Variants in SUGCT observed in about 807,000 individuals in gnomAD.
SUGCT encodes the protein succinyl-CoA:glutarate CoA-transferase.
SUGCT carries 41 observed loss-of-function variants against 55.0 expected under a neutral mutation model. The ratio of observed to expected loss-of-function variants is 0.74; its 90% confidence interval spans 0.58 to 0.97. The LOEUF (loss-of-function observed/expected upper bound fraction) is 0.97. SUGCT is among the 50% of genes least tolerant of loss of function. The pLI, the probability that SUGCT is intolerant of heterozygous loss-of-function variation, is 0.00. For synonymous variants in SUGCT, 187 were observed against 200.4 expected, an observed-to-expected ratio of 0.93 and a Z score of 0.56; for missense variants, 568 against 547.8, an observed-to-expected ratio of 1.04 and a Z score of -0.37.
chr7:40,397,674 A>G (rs80006387), intron 9 of SUGCT, among the ~76,000 whole-genome samples: 2,563 of 152,286 alleles, frequency 0.017, 34 homozygotes, highest in Non-Finnish European at 0.028. Context: ...AATACGTAAT[A>G]CAATATGTTA....
chr7:40,289,346 T>C (rs1793576179), intron 8 of SUGCT, among the ~76,000 whole-genome samples: 1 of 152,190 alleles, frequency 6.6e-6, no homozygotes, highest in East Asian at 1.9e-4. Flanking sequence ...TACCAAACCC[T>C]ATAAATACTG....
At chr7:40,753,446 CACAT>C (rs1357235584) in intron 13 of SUGCT, among the ~76,000 whole-genome samples, 1 of 152,222 alleles carries the variant, frequency 6.6e-6, no homozygotes, top group Non-Finnish European at 1.5e-5. Context: ...TATAGATTTA[CACAT>C]ACATATCCAC....
intron 12 of SUGCT, among the ~76,000 whole-genome samples, chr7:40,552,681 A>T (rs943429696): frequency 6.6e-6 from 1 of 152,040 alleles, no homozygotes; most frequent in African/African-American, 2.4e-5. Context: ...CTTCCATCAC[A>T]CTTTCCCCAT....
the SUGCT span, among the ~76,000 whole-genome samples, chr7:40,970,091 G>A: frequency 1.3e-5 from 2 of 152,144 alleles, no homozygotes; most frequent in African/African-American, 2.4e-5. Context: ...AAAGTCCATC[G>A]CGAGGAGGCT....
At chr7:40,508,571 T>C (rs1303797560) in intron 12 of SUGCT, among the ~76,000 whole-genome samples, 1 of 148,512 alleles carries the variant, frequency 6.7e-6, no homozygotes, top group Non-Finnish European at 1.5e-5. Context: ...TTGGTAGTGA[T>C]GGTGGAGGTT....
the SUGCT span, among the ~76,000 whole-genome samples, chr7:41,032,224 G>A: frequency 6.6e-6 from 1 of 152,084 alleles, no homozygotes; most frequent in African/African-American, 2.4e-5. Context: ...GGTACACACT[G>A]CTGGTTACCT....
At chr7:41,013,200 T>A in the SUGCT span, among the ~76,000 whole-genome samples, 22 of 152,228 alleles carry the variant, frequency 1.4e-4, no homozygotes, top group Non-Finnish European at 3.1e-4. Flanking sequence ...TAATACATGA[T>A]TTCTGTTCCT....
intron 12 of SUGCT, among the ~76,000 whole-genome samples, chr7:40,567,962 A>G (rs969439630): frequency 6.6e-6 from 1 of 152,262 alleles, no homozygotes; most frequent in Admixed American, 6.5e-5. Context: ...ACTAGCTTAC[A>G]TGAGGGCTTA....
chr7:40,778,173 T>C (rs1398294715), intron 13 of SUGCT, among the ~76,000 whole-genome samples: 1 of 152,256 alleles, frequency 6.6e-6, no homozygotes. Context: ...CCTATTGTTT[T>C]ACTCAGCTGT....
intron 1 of SUGCT, among the ~76,000 whole-genome samples, chr7:40,148,774 G>A (rs1259198313): frequency 6.6e-6 from 1 of 152,220 alleles, no homozygotes; most frequent in Non-Finnish European, 1.5e-5. Flanking sequence ...AGAGGTTATG[G>A]GAACCGGGAG....
At chr7:40,249,349 T>TATATATATATATATATATATATA (rs1186054576) in intron 7 of SUGCT, among the ~76,000 whole-genome samples, 1 of 75,816 alleles carries the variant, frequency 1.3e-5, no homozygotes, top group African/African-American at 5.0e-5. Flanking sequence ...ATATATATAA[T>TATATATATATATATATATATATA]TATATTATAT....
intron 13 of SUGCT, among the ~76,000 whole-genome samples, chr7:40,826,381 A>G (rs1286011175): frequency 6.6e-6 from 1 of 152,146 alleles, no homozygotes; most frequent in African/African-American, 2.4e-5. Context: ...CATGCTATAC[A>G]CCTGTAAGAC....
the SUGCT span, among the ~76,000 whole-genome samples, chr7:40,992,871 A>T: frequency 1.3e-5 from 2 of 152,158 alleles, no homozygotes; most frequent in Non-Finnish European, 2.9e-5. Context: ...ATTCAAGAGC[A>T]AGAGTGTTGT....
chr7:40,289,659 A>G (rs1454201930), intron 8 of SUGCT, among the ~76,000 whole-genome samples: 2 of 152,128 alleles, frequency 1.3e-5, no homozygotes, highest in Non-Finnish European at 2.9e-5. Flanking sequence ...GGCCAGGGCA[A>G]TTAGGCAGGA....
At chr7:40,633,872 G>A (rs1175440063) in intron 12 of SUGCT, among the ~76,000 whole-genome samples, 1 of 152,048 alleles carries the variant, frequency 6.6e-6, no homozygotes, top group African/African-American at 2.4e-5. Flanking sequence ...TATAATACTT[G>A]CATCATAATA....
At chr7:40,952,244 A>C in the SUGCT span, among the ~76,000 whole-genome samples, 5 of 152,026 alleles carry the variant, frequency 3.3e-5, no homozygotes, top group Admixed American at 2.0e-4. Flanking sequence ...TGTTGGTTTA[A>C]AGTCTGTGTT....
At chr7:40,213,425 A>T (rs1787454668) in intron 6 of SUGCT, among the ~76,000 whole-genome samples, 1 of 152,196 alleles carries the variant, frequency 6.6e-6, no homozygotes, top group African/African-American at 2.4e-5. Context: ...ACTATTACAG[A>T]GGTGAAGTAC....
intron 12 of SUGCT, among the ~76,000 whole-genome samples, chr7:40,601,688 C>T (rs576830557): frequency 1.3e-5 from 2 of 152,020 alleles, no homozygotes. Context: ...GCCTAGATGG[C>T]TCTGAATGTG....
At chr7:40,226,410 A>G (rs1435272915) in intron 6 of SUGCT, among the ~76,000 whole-genome samples, 3 of 152,214 alleles carry the variant, frequency 2.0e-5, no homozygotes, top group Non-Finnish European at 4.4e-5. Context: ...GTAAGACTGT[A>G]AAACTTTGGA....
Sources: gnomAD v4.1 joint callset for allele counts (sites outside exome capture counted in the v4.1 genomes callset) on GRCh38, gnomAD v4.1.1 for gene constraint, MANE v1.5 for transcripts, NCBI Gene and HGNC (gene_info 2026-07-23, HGNC 2026-07-21) for gene names.